Variants in TBC1D5 observed in about 807,000 individuals in gnomAD.
The protein encoded by TBC1D5 is TBC1 domain family, member 5.
TBC1D5 carries 75 observed loss-of-function variants against 100.3 expected under a neutral mutation model. That is an observed-to-expected ratio of 0.75 (90% confidence interval 0.62 to 0.91). The LOEUF (loss-of-function observed/expected upper bound fraction) is 0.91, where lower values mean the gene tolerates loss of function less well. Ranked by LOEUF, TBC1D5 falls within the 40% of genes least tolerant of loss-of-function variation. The pLI is 0.00. For synonymous variants in TBC1D5, 323 were observed against 325.6 expected (o/e 0.99, Z 0.09); for missense variants, 910 against 942.4 (o/e 0.97, Z 0.45).
At chr3:17,537,862 G>A (rs58595628) in intron 2 of TBC1D5, among the ~76,000 whole-genome samples, 10,516 of 152,162 alleles carry the variant, frequency 0.069, 714 homozygotes, top group African/African-American at 0.18. Context: ...GACAAGTCTC[G>A]TTCAACTTAG....
intron 3 of TBC1D5, among the ~76,000 whole-genome samples, chr3:17,471,614 T>C: frequency 8.9e-6 from 1 of 112,856 alleles, no homozygotes; most frequent in East Asian, 2.3e-4. Context: ...GAGCTTGCAG[T>C]GAGCCGAGAT....
chr3:17,468,981 T>C (rs187368931), intron 3 of TBC1D5, among the ~76,000 whole-genome samples: 31 of 152,280 alleles, frequency 2.0e-4, no homozygotes, highest in Admixed American at 2.6e-4. Flanking sequence ...TGAAGTGACT[T>C]TGAACCTGGA....
intron 8 of TBC1D5, 131 bp downstream of exon 8, chr3:17,403,050 A>G: frequency 3.2e-6 from 2 of 617,994 alleles, no homozygotes; most frequent in Non-Finnish European, 5.2e-6. Context: ...TTGTCAAAAC[A>G]AGTTTGTTAT....
At position 17,705,285 on chromosome 3, in the gene TBC1D5, A is replaced by G. The variant is rs1394127563; in HGVS notation, c.-101+34058T>C. Among the ~76,000 whole-genome samples the G allele has an allele frequency of 2.0e-4, 11 of 54,884 alleles. 1 individual carries two copies. The highest frequency in any genetic ancestry group is 3.1e-4 in the African/African-American group (5 of 16,272). 36.0% of individuals were successfully genotyped at this position (54,884 alleles called of 152,430 possible). A position where few individuals can be genotyped will look rare whatever the true frequency, so the allele number is the denominator to read the frequency against. On this transcript the variant is annotated intron_variant, in intron 1 of 21. Transcript: ENST00000253692. ...TCCCTCCCGGACGGCACGGCTGGCC[A>G]GGCGGGGGGCTGACCCCCCCACCTC...
At chr3:17,334,914 G>A (rs1480429665) in intron 13 of TBC1D5, among the ~76,000 whole-genome samples, 3 of 152,022 alleles carry the variant, frequency 2.0e-5, no homozygotes, top group Admixed American at 1.3e-4. Context: ...ATTTTGGGGG[G>A]AAAATCTACA....
intron 13 of TBC1D5, chr3:17,333,259 A>C (rs2087141422): frequency 6.6e-6 from 1 of 152,336 alleles, no homozygotes; most frequent in South Asian, 2.1e-4. Context: ...AAACACTGAA[A>C]AAGTTAGCAG....
At chr3:17,622,969 A>C (rs2062784235) in intron 2 of TBC1D5, among the ~76,000 whole-genome samples, 1 of 152,206 alleles carries the variant, frequency 6.6e-6, no homozygotes. Context: ...TTAAAGACCA[A>C]AAGCCTATGA....
At chr3:17,509,635 A>G (rs2095879887) in intron 2 of TBC1D5, among the ~76,000 whole-genome samples, 1 of 152,016 alleles carries the variant, frequency 6.6e-6, no homozygotes, top group Non-Finnish European at 1.5e-5. Flanking sequence ...TGTCTTCATG[A>G]TATCTAAACA....
chr3:17,414,411 A>C (rs992259231), intron 4 of TBC1D5, among the ~76,000 whole-genome samples: 2 of 152,226 alleles, frequency 1.3e-5, no homozygotes, highest in African/African-American at 4.8e-5. Context: ...ATCTATATCA[A>C]AATACATTAG....
intron 3 of TBC1D5, among the ~76,000 whole-genome samples, chr3:17,487,941 G>A (rs1482431145): frequency 6.6e-6 from 1 of 152,150 alleles, no homozygotes; most frequent in African/African-American, 2.4e-5. Context: ...TCTTCCATTA[G>A]TATAGTGCAT....
At chr3:17,344,839 G>A (rs1242240539) in intron 13 of TBC1D5, among the ~76,000 whole-genome samples, 1 of 152,108 alleles carries the variant, frequency 6.6e-6, no homozygotes, top group East Asian at 1.9e-4. Context: ...TTTAATAAAT[G>A]GTGCTGGGAA....
At chr3:17,647,770 T>C (rs1328619508) in intron 1 of TBC1D5, among the ~76,000 whole-genome samples, 2 of 152,164 alleles carry the variant, frequency 1.3e-5, no homozygotes, top group Non-Finnish European at 2.9e-5. Flanking sequence ...AACTTCTTAG[T>C]AGCCTGATCT....
At chr3:17,460,750 G>A (rs1484596640) in intron 3 of TBC1D5, among the ~76,000 whole-genome samples, 1 of 151,142 alleles carries the variant, frequency 6.6e-6, no homozygotes, top group Non-Finnish European at 1.5e-5. Flanking sequence ...AAGCTCACAG[G>A]GTTATGACGG....
At chr3:17,318,966 T>C (rs915970023) in intron 13 of TBC1D5, among the ~76,000 whole-genome samples, 2 of 152,194 alleles carry the variant, frequency 1.3e-5, no homozygotes, top group African/African-American at 4.8e-5. Context: ...GGGCTTCTTT[T>C]CAGGGAAACT....
intron 17 of TBC1D5, among the ~76,000 whole-genome samples, chr3:17,219,740 C>T (rs1188857425): frequency 6.6e-6 from 1 of 151,968 alleles, no homozygotes; most frequent in East Asian, 1.9e-4. Context: ...CTGTAGAGCT[C>T]GAAAGAGGGT....
At chr3:17,297,171 G>A (rs1390999384) in intron 14 of TBC1D5, among the ~76,000 whole-genome samples, 3 of 152,238 alleles carry the variant, frequency 2.0e-5, no homozygotes, top group East Asian at 1.9e-4. Flanking sequence ...CAGGAATGCC[G>A]TTTGTACTAT....
At chr3:17,465,022 G>C (rs1460763775) in intron 3 of TBC1D5, 1 of 151,928 alleles carries the variant, frequency 6.6e-6, no homozygotes, top group Non-Finnish European at 1.5e-5. Flanking sequence ...CTGTCCAACA[G>C]GTAGCTTGCT....
Position 17,704,554 on chromosome 3 carries a change from A to AC in TBC1D5, c.-101+34788dup, listed in dbSNP as rs200845187. Among the ~76,000 whole-genome samples, 22 of 39,156 alleles carry AC rather than the reference A, an allele frequency of 5.6e-4. 1 individual carries two copies. The highest frequency in any genetic ancestry group is 1.1e-3 in the African/African-American group (12 of 11,108). The allele number at this position is 39,156 out of a possible 152,430, so 25.7% of individuals were successfully genotyped here. A position where few individuals can be genotyped will look rare whatever the true frequency, so the allele number is the denominator to read the frequency against. On this transcript the variant is annotated intron_variant, in intron 1 of 21. Transcript: ENST00000253692. ...GGGCGGCTGGCCGGGCGGGGGGCCGACCCCCCCCACCTCCCTCCCGGACGG... is the reference window on the plus strand; with the variant it reads ...GGGCGGCTGGCCGGGCGGGGGGCCGACCCCCCCCCACCTCCCTCCCGGACGG...
At chr3:17,166,883 G>T (rs2066666393) in exon 21 of TBC1D5, 1 of 1,613,874 alleles carries the variant, frequency 6.2e-7, no homozygotes, top group South Asian at 1.1e-5. Context: ...TCGGCCTCTA[G>T]CTGGCTCTGG....
Sources: gnomAD v4.1 joint callset for allele counts (sites outside exome capture counted in the v4.1 genomes callset) on GRCh38, gnomAD v4.1.1 for gene constraint, MANE v1.5 for transcripts, NCBI Gene and HGNC (gene_info 2026-07-23, HGNC 2026-07-21) for gene names.